CHSY3: variants seen among roughly 807,000 people sequenced by gnomAD.
CHSY3 encodes chondroitin sulfate synthase 3.
Under a neutral mutation model 67.2 loss-of-function variants are expected in CHSY3, and 35 were observed. The observed-to-expected ratio is 0.52, with a 90% CI of 0.40 to 0.69. CHSY3 has a LOEUF of 0.69. CHSY3 is among the 30% of genes least tolerant of loss of function. The pLI, the probability that CHSY3 is intolerant of heterozygous loss-of-function variation, is 0.00. For missense variants in CHSY3, 1,069 were observed against 1,138.5 expected (o/e 0.94, Z 0.88); for synonymous variants, 474 against 434.7 (o/e 1.09, Z -1.12).
At chr5:130,165,299 T>C (rs533535815) in intron 2 of CHSY3, among the ~76,000 whole-genome samples, 69 of 152,120 alleles carry the variant, frequency 4.5e-4, no homozygotes, top group African/African-American at 1.4e-3. Context: ...GAAGCAAGAT[T>C]CAAGAGATCG....
intron 2 of CHSY3, among the ~76,000 whole-genome samples, chr5:130,124,858 A>G (rs1269810173): frequency 1.3e-5 from 2 of 152,238 alleles, no homozygotes; most frequent in African/African-American, 4.8e-5. Context: ...TAATAAAAAA[A>G]GAGTTAAAAA....
chr5:129,904,438 A>T, upstream of CHSY3: 1 of 165,040 alleles, frequency 6.1e-6, no homozygotes, highest in Non-Finnish European at 1.3e-5. Flanking sequence ...CTCGGGAAGG[A>T]GGGAGGAGGG....
At chr5:130,008,801 C>A (rs2149645056) in intron 2 of CHSY3, among the ~76,000 whole-genome samples, 1 of 152,222 alleles carries the variant, frequency 6.6e-6, no homozygotes, top group Middle Eastern at 3.4e-3. Flanking sequence ...AAACTCACTA[C>A]AAGAAATTCA....
At chr5:130,020,461 A>ATATATATATAT (rs1371121130) in intron 2 of CHSY3, among the ~76,000 whole-genome samples, 8 of 79,862 alleles carry the variant, frequency 1.0e-4, no homozygotes, top group Admixed American at 1.5e-4. Flanking sequence ...ATATATATAT[A>ATATATATATAT]TTTTTTTTTT....
rs111570456 is a variant in CHSY3, at chr5:129,925,973, C to T, written c.1086+17613C>T. 9.7e-3 allele frequency among the ~76,000 whole-genome samples: 1,476 copies of T among 152,034 alleles called. 23 individuals are homozygous for T. Among genetic ancestry groups the T allele is most frequent in the African/African-American group, 0.034 (1,398 of 41,490 alleles). The stretch of plus-strand genomic sequence containing the variant: ...GATTGTGAGGGCAGTTATGGATATT[C>T]TTTATTATTAAATGGCCAGTAAGAG... On this transcript the variant is annotated intron_variant, in intron 2 of 2. Transcript: ENST00000305031.
chr5:130,022,157 C>A (rs1764411293), intron 2 of CHSY3, among the ~76,000 whole-genome samples: 1 of 152,042 alleles, frequency 6.6e-6, no homozygotes, highest in Non-Finnish European at 1.5e-5. Flanking sequence ...TAATTTAATT[C>A]TATACCCAGG....
At position 129,995,723 on chromosome 5, in the gene CHSY3, A is replaced by G. The variant is rs188378075; in HGVS notation, c.1086+87363A>G. Among the ~76,000 whole-genome samples, 4 of 152,030 alleles carry G rather than the reference A, an allele frequency of 2.6e-5. No homozygotes were observed. The East Asian group carries it at 7.8e-4, about 29-fold the overall frequency. ...TCCAACAACTACACTGTTATCCACTATACTCTGTTTTTTAAGAATGATCTG... is the reference window on the plus strand; with the variant it reads ...TCCAACAACTACACTGTTATCCACTGTACTCTGTTTTTTAAGAATGATCTG... On this transcript the variant is annotated intron_variant, in intron 2 of 2. Transcript: ENST00000305031.
At chr5:130,161,738 T>C (rs567412955) in intron 2 of CHSY3, among the ~76,000 whole-genome samples, 1 of 152,204 alleles carries the variant, frequency 6.6e-6, no homozygotes, top group East Asian at 1.9e-4. Flanking sequence ...ACTTCAAAAA[T>C]AGTTGAAAAC....
At chr5:129,928,394 T>C (rs903751878) in intron 2 of CHSY3, among the ~76,000 whole-genome samples, 2 of 152,116 alleles carry the variant, frequency 1.3e-5, no homozygotes, top group Non-Finnish European at 2.9e-5. Context: ...GTTTGGTAGA[T>C]AATGCTGGCA....
intron 2 of CHSY3, among the ~76,000 whole-genome samples, chr5:129,939,958 G>A (rs900777191): frequency 6.6e-6 from 1 of 152,076 alleles, no homozygotes; most frequent in Non-Finnish European, 1.5e-5. Context: ...CTGAGTTATA[G>A]GACTGTTTAA....
intron 2 of CHSY3, among the ~76,000 whole-genome samples, chr5:130,111,727 T>C (rs569060813): frequency 1.8e-4 from 28 of 152,224 alleles, no homozygotes; most frequent in Non-Finnish European, 1.8e-4. Context: ...GTGATTCTAA[T>C]ATTCTGCCAA....
chr5:130,037,934 C>T (rs985305965), intron 2 of CHSY3, among the ~76,000 whole-genome samples: 2 of 152,050 alleles, frequency 1.3e-5, no homozygotes, highest in Admixed American at 6.6e-5. Context: ...TTTAGAATCA[C>T]TTATCCTCTT....
intron 2 of CHSY3, among the ~76,000 whole-genome samples, chr5:130,095,890 T>A (rs1390113158): frequency 6.6e-6 from 1 of 152,230 alleles, no homozygotes; most frequent in Non-Finnish European, 1.5e-5. Context: ...ACCCCCGATA[T>A]GACGCACTGC....
intron 2 of CHSY3, among the ~76,000 whole-genome samples, chr5:130,174,920 G>C (rs924756734): frequency 3.3e-5 from 5 of 152,126 alleles, no homozygotes; most frequent in Admixed American, 6.6e-5. Context: ...CAATGCACAT[G>C]CACCCCCCTG....
intron 2 of CHSY3, among the ~76,000 whole-genome samples, chr5:130,144,881 G>A (rs1769024850): frequency 6.6e-6 from 1 of 152,162 alleles, no homozygotes; most frequent in African/African-American, 2.4e-5. Context: ...CAGGCTGTAA[G>A]CCAATTACAA....
At chr5:130,127,626 T>C (rs900948914) in intron 2 of CHSY3, among the ~76,000 whole-genome samples, 5 of 152,262 alleles carry the variant, frequency 3.3e-5, no homozygotes, top group Admixed American at 2.6e-4. Context: ...CTTAGACCAT[T>C]GTTAAGTCAT....
In CHSY3 at chr5:130,143,790, ATATATATATATATATGTGTG is replaced by A. The variant is rs1383119471; in HGVS notation, c.1087-40423_1087-40404del. ...TGTGTATATATATATATGTGTATAT[ATATATATATATATATGTGTG>A]TATATATATATATATATATATATAT... On this transcript the variant is annotated intron_variant, in intron 2 of 2. Transcript: ENST00000305031. Among the ~76,000 whole-genome samples the A allele has an allele frequency of 1.7e-3, 141 of 82,636 alleles. 2 individuals are homozygous for A. The highest frequency in any genetic ancestry group is 0.015 in the South Asian group (32 of 2,152). The allele number at this position is 82,636 out of a possible 152,430, so 54.2% of individuals were successfully genotyped here.
At chr5:129,990,811 AAGAAGTTTATAGT>A (rs1214237100) in intron 2 of CHSY3, among the ~76,000 whole-genome samples, 1 of 152,156 alleles carries the variant, frequency 6.6e-6, no homozygotes, top group East Asian at 1.9e-4. Flanking sequence ...TCCAGGGATC[AAGAAGTTTATAGT>A]AGAATAAGGA....
chr5:130,144,133 C>G (rs985771631), intron 2 of CHSY3, among the ~76,000 whole-genome samples: 1 of 140,978 alleles, frequency 7.1e-6, no homozygotes, highest in East Asian at 2.1e-4. Flanking sequence ...TCTTTCCAAG[C>G]AAAAAAAAAA....
Sources: gnomAD v4.1 joint callset for allele counts (sites outside exome capture counted in the v4.1 genomes callset) on GRCh38, gnomAD v4.1.1 for gene constraint, MANE v1.5 for transcripts, NCBI Gene and HGNC (gene_info 2026-07-23, HGNC 2026-07-21) for gene names.